Variants in KCTD8 observed in about 807,000 individuals in gnomAD.
The protein encoded by KCTD8 is potassium channel tetramerization domain containing 8.
Under a neutral mutation model 31.5 loss-of-function variants are expected in KCTD8, and 27 were observed. The ratio of observed to expected loss-of-function variants is 0.86; its 90% CI spans 0.63 to 1.18. The LOEUF (loss-of-function observed/expected upper bound fraction) is 1.18. KCTD8 is among the 50% of genes most tolerant of loss of function. The pLI, the probability that KCTD8 is intolerant of heterozygous loss-of-function variation, is 0.00. For missense variants in KCTD8, 658 were observed against 647.7 expected, an observed-to-expected ratio of 1.02 and a Z score of -0.17; for synonymous variants, 290 against 280.0, an observed-to-expected ratio of 1.04 and a Z score of -0.36.
At chr4:44,213,165 T>C (rs931825582) in intron 1 of KCTD8, among the ~76,000 whole-genome samples, 3 of 152,326 alleles carry the variant, frequency 2.0e-5, no homozygotes, top group South Asian at 4.1e-4. Flanking sequence ...CTTGATCTCC[T>C]GACCTCGTGA....
chr4:44,175,061 G>T lies in KCTD8; in HGVS notation c.1151C>A (p.Pro384His). 1 of 1,614,044 alleles carries T rather than the reference G, an allele frequency of 6.2e-7. No homozygotes were observed. Residue 384 changes from proline to histidine, a missense_variant, in exon 2 of 2, where the codon CCT becomes CAT. Pro to His is a moderately conservative substitution (Grantham distance 77). Coordinates refer to ENST00000360029, the MANE Select transcript of KCTD8 (RefSeq NM_198353.3). ...SSAQQATAHQ[P>H]NTLTLDRPSK... Reference sequence around the variant, plus strand: ...GGGGCGATCCAATGTTAAAGTGTTAGGTTGGTGAGCTGTTGCCTGCTGGGC... The same window carrying T: ...GGGGCGATCCAATGTTAAAGTGTTATGTTGGTGAGCTGTTGCCTGCTGGGC...
At chr4:44,329,194 G>A (rs1038002056) in intron 1 of KCTD8, among the ~76,000 whole-genome samples, 6 of 150,256 alleles carry the variant, frequency 4.0e-5, no homozygotes, top group South Asian at 4.2e-4. Flanking sequence ...AAACAACCTC[G>A]CTGGGGTTTG....
chr4:44,194,990 G>A (rs1713896136), intron 1 of KCTD8, among the ~76,000 whole-genome samples: 1 of 150,500 alleles, frequency 6.6e-6, no homozygotes, highest in South Asian at 2.1e-4. Context: ...CAAGTAGCTG[G>A]GATTACAGGC....
chr4:44,180,337 A>C (rs1487670190), intron 1 of KCTD8, among the ~76,000 whole-genome samples: 1 of 152,184 alleles, frequency 6.6e-6, no homozygotes, highest in Non-Finnish European at 1.5e-5. Flanking sequence ...TATCTGTAAA[A>C]AAAAAGAGTT....
At chr4:44,250,134 T>C (rs1051078322) in intron 1 of KCTD8, among the ~76,000 whole-genome samples, 7 of 151,838 alleles carry the variant, frequency 4.6e-5, no homozygotes, top group African/African-American at 1.7e-4. Context: ...TGTGTAAGAT[T>C]ATACATGTTC....
chr4:44,253,970 ACAGTGAAGGC>A, intron 1 of KCTD8, among the ~76,000 whole-genome samples: 1 of 151,992 alleles, frequency 6.6e-6, no homozygotes, highest in East Asian at 1.9e-4. Context: ...AAGTGGAAGG[ACAGTGAAGGC>A]ATTTTATTAG....
At chr4:44,264,814 G>T (rs1046471852) in intron 1 of KCTD8, among the ~76,000 whole-genome samples, 2 of 152,288 alleles carry the variant, frequency 1.3e-5, no homozygotes, top group Non-Finnish European at 2.9e-5. Context: ...AGATCAAACT[G>T]CAAGGCAGCA....
At chr4:44,254,407 A>T (rs912388329) in intron 1 of KCTD8, among the ~76,000 whole-genome samples, 1 of 151,920 alleles carries the variant, frequency 6.6e-6, no homozygotes, top group Non-Finnish European at 1.5e-5. Context: ...ACTGCAACTG[A>T]TTCTCAGGCT....
intron 1 of KCTD8, among the ~76,000 whole-genome samples, chr4:44,234,300 T>C (rs1017469161): frequency 6.6e-6 from 1 of 152,104 alleles, no homozygotes; most frequent in Non-Finnish European, 1.5e-5. Flanking sequence ...TGGGCATCTA[T>C]GAGATGGGAC....
At position 44,448,680 on chromosome 4, in the gene KCTD8, C is replaced by A. The variant is rs2109491372; in HGVS notation, c.-157G>T. 3.2e-6 allele frequency: 2 copies of A among 624,614 alleles called. No homozygotes were observed. The highest frequency in any genetic ancestry group is 4.6e-6 in the Non-Finnish European group (2 of 434,160). The allele number at this position is 624,614 out of a possible 1,614,324, so 38.7% of individuals were successfully genotyped here. On this transcript the variant is annotated 5_prime_UTR_variant, in exon 1 of 2. Coordinates refer to ENST00000360029, the MANE Select transcript of KCTD8 (RefSeq NM_198353.3). The surrounding 1 kb of genome is among the most constrained non-coding windows in gnomAD (Gnocchi z 4.1). ...CGGCCCCGCTCAGGGTTCGGGGCAGCGGCGGCGTCGGCGGCGCCCGAGCTC... is the reference window on the plus strand; with the variant it reads ...CGGCCCCGCTCAGGGTTCGGGGCAGAGGCGGCGTCGGCGGCGCCCGAGCTC...
At chr4:44,177,497 C>T (rs1023579733) in intron 1 of KCTD8, among the ~76,000 whole-genome samples, 4 of 152,172 alleles carry the variant, frequency 2.6e-5, no homozygotes, top group African/African-American at 9.7e-5. Flanking sequence ...ACAACTCCCA[C>T]TTGTCATGGG....
intron 1 of KCTD8, among the ~76,000 whole-genome samples, chr4:44,334,609 G>A (rs574898147): frequency 6.6e-6 from 1 of 152,074 alleles, no homozygotes; most frequent in South Asian, 2.1e-4. Context: ...CTGTCATAAT[G>A]TGCAGCCATT....
chr4:44,388,391 A>G (rs1720278663), intron 1 of KCTD8, among the ~76,000 whole-genome samples: 2 of 151,994 alleles, frequency 1.3e-5, no homozygotes, highest in African/African-American at 4.8e-5. Flanking sequence ...TCTATTATAA[A>G]GACACATGCA....
intron 1 of KCTD8, among the ~76,000 whole-genome samples, chr4:44,236,003 G>A (rs115067845): frequency 1.4e-3 from 217 of 152,138 alleles, no homozygotes; most frequent in African/African-American, 5.0e-3. Context: ...CTACAAGGCC[G>A]GTAACAGGGA....
chr4:44,407,822 A>G (rs557122357), intron 1 of KCTD8, among the ~76,000 whole-genome samples: 1 of 152,246 alleles, frequency 6.6e-6, no homozygotes, highest in African/African-American at 2.4e-5. Context: ...CTAAATACCT[A>G]TATTTATTAT....
intron 1 of KCTD8, among the ~76,000 whole-genome samples, chr4:44,242,067 T>C (rs557147625): frequency 1.3e-5 from 2 of 152,222 alleles, no homozygotes; most frequent in Non-Finnish European, 2.9e-5. Flanking sequence ...TTCAGATCAC[T>C]GACTACTCAG....
chr4:44,182,455 C>T (rs1164536200), intron 1 of KCTD8, among the ~76,000 whole-genome samples: 2 of 152,240 alleles, frequency 1.3e-5, no homozygotes, highest in Non-Finnish European at 2.9e-5. Context: ...AAAAATTCTT[C>T]TGCCTTGGGA....
intron 1 of KCTD8, among the ~76,000 whole-genome samples, chr4:44,186,603 G>A (rs377168834): frequency 6.6e-6 from 1 of 152,318 alleles, no homozygotes; most frequent in East Asian, 1.9e-4. Context: ...CCTAGACGCT[G>A]CTGTGGGGAC....
At chr4:44,429,624 T>A (rs1351182861) in intron 1 of KCTD8, among the ~76,000 whole-genome samples, 2 of 151,740 alleles carry the variant, frequency 1.3e-5, no homozygotes, top group Admixed American at 6.6e-5. Flanking sequence ...TGGTTAAACA[T>A]AAGGAATAAC....
Sources: gnomAD v4.1 joint callset for allele counts (sites outside exome capture counted in the v4.1 genomes callset) on GRCh38, gnomAD v4.1.1 for gene constraint, Gnocchi (gnomAD v3.1) non-coding constraint, MANE v1.5 for transcripts, NCBI Gene and HGNC (gene_info 2026-07-23, HGNC 2026-07-21) for gene names.